LACTB2: variants seen among roughly 807,000 people sequenced by gnomAD.
LACTB2 encodes the protein endoribonuclease LACTB2.
A neutral mutation model predicts 34.8 loss-of-function variants in LACTB2; 32 were observed. The observed-to-expected ratio is 0.92, with a 90% CI of 0.69 to 1.24. The LOEUF (loss-of-function observed/expected upper bound fraction) is 1.24, where lower values mean the gene tolerates loss of function less well. LACTB2 is among the 50% of genes most tolerant of loss of function. The pLI, the probability that LACTB2 is intolerant of heterozygous loss-of-function variation, is 0.00. For missense variants in LACTB2, 320 were observed against 345.0 expected, an observed-to-expected ratio of 0.93 and a Z score of 0.57; for synonymous variants, 120 against 117.5, an observed-to-expected ratio of 1.02 and a Z score of -0.14.
chr8:70,639,937 G>A (rs1370832362), intron 5 of LACTB2, among the ~76,000 whole-genome samples: 1 of 151,742 alleles, frequency 6.6e-6, no homozygotes, highest in East Asian at 1.9e-4. Context: ...ACTCCAGCCT[G>A]GGCAACAAGA....
At position 70,669,076 on chromosome 8, in the gene LACTB2, G is replaced by A. The variant is rs751719070; in HGVS notation, c.45C>T (p.Val15=). ...CCGGGTTACAGCCCAACACACGCAC[G>A]ACTCGATTGGACAGCCGCTCGACGC... ...LQRVERLSNR[V]VRVLGCNPGP... is the part of the protein sequence containing the mutation. Residue 15 remains valine (V), a synonymous_variant, in exon 1 of 7, where the codon GTC becomes GTT. Coordinates refer to ENST00000276590, the MANE Select transcript of LACTB2 (RefSeq NM_016027.3). The A allele has an allele frequency of 6.2e-7, 1 of 1,612,834 alleles. No homozygotes were observed. Among genetic ancestry groups the A allele is most frequent in the Admixed American group, 1.7e-5 (1 of 59,884 alleles).
chr8:70,647,588 T>C (rs1170592417), intron 3 of LACTB2, among the ~76,000 whole-genome samples: 3 of 152,160 alleles, frequency 2.0e-5, no homozygotes, highest in African/African-American at 7.2e-5. Context: ...TTCCCAATAA[T>C]GGAATATTTT....
At chr8:70,644,688 C>T (rs960921713) in intron 3 of LACTB2, among the ~76,000 whole-genome samples, 1 of 151,974 alleles carries the variant, frequency 6.6e-6, no homozygotes, top group African/African-American at 2.4e-5. Context: ...CAATATTGAC[C>T]AGGCTGGTCT....
intron 3 of LACTB2, chr8:70,646,448 T>A (rs982901083): frequency 2.0e-4 from 31 of 151,986 alleles, no homozygotes; most frequent in African/African-American, 7.5e-4. Context: ...CAAGAAAAAA[T>A]GCTCATCATC....
chr8:70,646,306 T>A (rs908641102), intron 3 of LACTB2: 2 of 152,200 alleles, frequency 1.3e-5, no homozygotes, highest in Admixed American at 1.3e-4. Flanking sequence ...TCTACTCATC[T>A]GACAAAGGGC....
chr8:70,657,423 C>A (rs1355349317), intron 3 of LACTB2, among the ~76,000 whole-genome samples: 1 of 146,496 alleles, frequency 6.8e-6, no homozygotes, highest in Non-Finnish European at 1.5e-5. Context: ...ATGCACAGAT[C>A]TTCTATTTTT....
At chr8:70,638,725 A>G (rs1023705264) in intron 5 of LACTB2, 96 bp from the exon 6 acceptor site, 1 of 1,035,822 alleles carries the variant, frequency 9.7e-7, no homozygotes, top group African/African-American at 1.7e-5. Flanking sequence ...AAAATGTAGC[A>G]AAAGTTTATC....
intron 1 of LACTB2, among the ~76,000 whole-genome samples, chr8:70,666,618 G>T (rs1176430350): frequency 6.6e-6 from 1 of 152,214 alleles, no homozygotes; most frequent in Non-Finnish European, 1.5e-5. Context: ...ACAAAGGGAA[G>T]ATTGGATTGA....
At chr8:70,643,207 CCTTT>C (rs1818221265) in intron 4 of LACTB2, among the ~76,000 whole-genome samples, 1 of 95,818 alleles carries the variant, frequency 1.0e-5, no homozygotes, top group Non-Finnish European at 2.0e-5. Flanking sequence ...GGTGTATTTT[CCTTT>C]TTTTTTTTTT....
intron 3 of LACTB2, chr8:70,655,021 T>A (rs1402759677): frequency 6.6e-6 from 1 of 152,170 alleles, no homozygotes; most frequent in Non-Finnish European, 1.5e-5. Flanking sequence ...TAGTCTTTTA[T>A]CCCTCATCTC....
intron 1 of LACTB2, among the ~76,000 whole-genome samples, chr8:70,665,949 CTTA>C (rs1344121594): frequency 6.6e-6 from 1 of 152,148 alleles, no homozygotes; most frequent in African/African-American, 2.4e-5. Context: ...GATTCAAATG[CTTA>C]TTGAGTACCT....
chr8:70,650,731 A>G (rs1328182675), intron 3 of LACTB2, among the ~76,000 whole-genome samples: 6 of 72,840 alleles, frequency 8.2e-5, no homozygotes, highest in Middle Eastern at 0.015. Context: ...GTGAGACTCC[A>G]TCTCAAAAAA....
intron 3 of LACTB2, chr8:70,653,974 C>T (rs1334949172): frequency 6.6e-6 from 1 of 152,102 alleles, no homozygotes; most frequent in African/African-American, 2.4e-5. Flanking sequence ...AATTTATTTC[C>T]TATTTGAGCC....
rs1180488167 is a variant in LACTB2, at chr8:70,638,532, T to C, written c.823+16A>G. The C allele has an allele frequency of 7.9e-6, 12 of 1,526,542 alleles. No homozygotes were observed. The highest frequency in any genetic ancestry group is 1.1e-5 in the Non-Finnish European group (12 of 1,140,000). The allele number at this position is 1,526,542 out of a possible 1,614,324, so 94.6% of individuals were successfully genotyped here. The stretch of plus-strand genomic sequence containing the variant: ...TTAAATGCTGGTAATAGAAGAAAAT[T>C]TGGAAGCATACTCACATATTTTTCC... On this transcript the variant is annotated intron_variant, in intron 6 of 6. Coordinates refer to ENST00000276590, the MANE Select transcript of LACTB2 (RefSeq NM_016027.3).
rs113516007 is a variant in LACTB2, at chr8:70,668,963, C to T, written c.122+36G>A. ...GTCAAAGCCCGGGCTCCGGGGCCGG[C>T]TGCGAACGTTGGGGAGGTTGGAGAG... On this transcript the variant is annotated intron_variant, in intron 1 of 6. Transcript: ENST00000276590. The T allele has an allele frequency of 4.4e-5, 69 of 1,557,936 alleles. No homozygotes were observed. The African/African-American group carries it at 7.3e-4, about 17-fold the overall frequency.
At chr8:70,658,297 C>T (rs187522287) in intron 2 of LACTB2, among the ~76,000 whole-genome samples, 2 of 152,242 alleles carry the variant, frequency 1.3e-5, no homozygotes, top group African/African-American at 2.4e-5. Context: ...TAATTAATAA[C>T]GAAAGCATGA....
At chr8:70,640,027 G>T (rs1410453813) in intron 5 of LACTB2, among the ~76,000 whole-genome samples, 1 of 152,152 alleles carries the variant, frequency 6.6e-6, no homozygotes, top group Admixed American at 6.5e-5. Flanking sequence ...ACGGTGCGAT[G>T]TAGGCTCACT....
At chr8:70,645,309 A>G (rs1818249471) in intron 3 of LACTB2, among the ~76,000 whole-genome samples, 1 of 152,074 alleles carries the variant, frequency 6.6e-6, no homozygotes, top group Admixed American at 6.6e-5. Flanking sequence ...TGTAAAGACA[A>G]GGTCTCTTTA....
chr8:70,645,831 T>A (rs564432222), intron 3 of LACTB2, among the ~76,000 whole-genome samples: 1,598 of 152,146 alleles, frequency 0.011, 26 homozygotes, highest in African/African-American at 0.037. Context: ...AACTCATCAT[T>A]TTTTATGGCT....
Sources: allele counts gnomAD v4.1 joint callset (sites outside exome capture counted in the v4.1 genomes callset), GRCh38; gene constraint gnomAD v4.1.1; transcripts MANE v1.5; gene names NCBI Gene and HGNC (gene_info 2026-07-23, HGNC 2026-07-21).